The following PSME4 variants were observed in gnomAD, a reference collection of about 807,000 sequenced individuals.
PSME4 encodes proteasome activator complex subunit 4.
A neutral mutation model predicts 253.9 loss-of-function variants in PSME4; 89 were observed. That is an observed-to-expected ratio of 0.35 (90% CI 0.30 to 0.42). PSME4 has a LOEUF of 0.42. PSME4 is among the 10% of genes least tolerant of loss of function. PSME4 has a pLI of 1.00. For synonymous variants in PSME4, 851 were observed against 759.2 expected (o/e 1.12, Z -1.99); for missense variants, 2,014 against 2,195.2 (o/e 0.92, Z 1.65).
Position 53,921,391 on chromosome 2 carries a change from T to C in PSME4, c.2047-287A>G, listed in dbSNP as rs1441738893. Among the ~76,000 whole-genome samples the C allele has an allele frequency of 2.6e-5, 4 of 151,596 alleles. No individual in the cohort carries two copies. The South Asian group carries it at 6.3e-4, about 24-fold the overall frequency. The stretch of plus-strand genomic sequence containing the variant: ...CCTCCCAAGTAGCTGGAATTACAGG[T>C]ACACGCCACCATGCCCAGATAATTT... On this transcript the variant is annotated intron_variant, in intron 17 of 46. Transcript: ENST00000404125.
chr2:53,912,758 A>G (rs805322), intron 20 of PSME4, among the ~76,000 whole-genome samples: 86,093 of 152,042 alleles, frequency 0.57, 25,022 homozygotes, highest in East Asian at 0.71. Flanking sequence ...GAGCCATAGT[A>G]TCCTACCTCT....
intron 26 of PSME4, among the ~76,000 whole-genome samples, chr2:53,904,727 G>A (rs903740758): frequency 5.9e-5 from 9 of 152,222 alleles, no homozygotes; most frequent in African/African-American, 2.2e-4. Flanking sequence ...AGTGGCTCAC[G>A]TCTGTAATCC....
chr2:53,882,263 G>C (rs1239019872), intron 41 of PSME4, among the ~76,000 whole-genome samples: 1 of 152,124 alleles, frequency 6.6e-6, no homozygotes, highest in Non-Finnish European at 1.5e-5. Flanking sequence ...TTAATGAAGA[G>C]GAACATGTCT....
intron 41 of PSME4, 29 bp downstream of exon 41, chr2:53,885,661 A>G: frequency 2.6e-6 from 4 of 1,516,298 alleles, no homozygotes; most frequent in South Asian, 2.3e-5. Flanking sequence ...TCAAAAGGAG[A>G]TGCATTCTTA....
At chr2:53,930,030 T>A (rs928753853) in intron 10 of PSME4, among the ~76,000 whole-genome samples, 1 of 150,966 alleles carries the variant, frequency 6.6e-6, no homozygotes, top group African/African-American at 2.4e-5. Flanking sequence ...AATAAATAAA[T>A]AATAAATAAA....
chr2:53,955,918 C>T lies in PSME4; in HGVS notation c.243-6635G>A, dbSNP rs1558427365. On this transcript the variant is annotated intron_variant, in intron 1 of 46. Coordinates refer to ENST00000404125, the MANE Select transcript of PSME4 (RefSeq NM_014614.3). ...ACCTAGGCAACAGTGAGACCTTAGTCCCCAAAAAAACCAAAACAAAACAAA... is the reference window on the plus strand; with the variant it reads ...ACCTAGGCAACAGTGAGACCTTAGTTCCCAAAAAAACCAAAACAAAACAAA... Among the ~76,000 whole-genome samples, 9 of 152,054 alleles carry T rather than the reference C, an allele frequency of 5.9e-5. No individual in the cohort carries two copies. The South Asian group carries it at 1.9e-3, about 32-fold the overall frequency.
chr2:53,916,569 G>C (rs970954348), intron 20 of PSME4, among the ~76,000 whole-genome samples: 1 of 152,136 alleles, frequency 6.6e-6, no homozygotes, highest in African/African-American at 2.4e-5. Flanking sequence ...ACACCAGGCA[G>C]TATGAATTCG....
intron 20 of PSME4, among the ~76,000 whole-genome samples, chr2:53,918,325 T>G (rs1668148565): frequency 6.6e-6 from 1 of 152,154 alleles, no homozygotes; most frequent in African/African-American, 2.4e-5. Flanking sequence ...AAGCTAAAAT[T>G]AATATATACT....
In PSME4 at chr2:53,892,964, TA is replaced by T. The variant is rs1181213709; in HGVS notation, c.4039-5del. 6.2e-7 allele frequency: 1 copy of T among 1,608,426 alleles called. No individual in the cohort carries two copies. Among genetic ancestry groups the T allele is most frequent in the Non-Finnish European group, 8.5e-7 (1 of 1,177,832 alleles). On this transcript the variant is annotated splice_polypyrimidine_tract_variant and splice_region_variant and intron_variant, in intron 35 of 46. Transcript: ENST00000404125. The stretch of plus-strand genomic sequence containing the variant: ...CATCAAAATTCCTGAATATACCCTA[TA>T]AAAACAAAGACTGTTCTTCAGTACT...
chr2:53,887,068 T>A (rs987936865), intron 40 of PSME4, among the ~76,000 whole-genome samples, 191 bp downstream of exon 40: 9 of 152,134 alleles, frequency 5.9e-5, no homozygotes, highest in Admixed American at 5.9e-4. Context: ...ATTCTAGAGA[T>A]AAATGGTGAT....
At chr2:53,968,640 A>T (rs115314554) in intron 1 of PSME4, among the ~76,000 whole-genome samples, 235 of 152,342 alleles carry the variant, frequency 1.5e-3, no homozygotes, top group African/African-American at 5.4e-3. Context: ...CCAGCATCTA[A>T]CCACTATTCC....
In PSME4 at chr2:53,940,010, G is replaced by A. The variant is rs1558412214; in HGVS notation, c.501-10C>T. 13 of 1,561,452 alleles carry A rather than the reference G, an allele frequency of 8.3e-6. No homozygotes were observed. The highest frequency in any genetic ancestry group is 2.7e-5 in the African/African-American group (2 of 73,352). ...AATATTTTCTACAGAACTGGGGGGG[G>A]AAAGCCATTTGATAATTAGATTGGT... On this transcript the variant is annotated splice_polypyrimidine_tract_variant and intron_variant, in intron 3 of 46. Transcript: ENST00000404125.
intron 34 of PSME4, among the ~76,000 whole-genome samples, chr2:53,894,129 T>G (rs1309935418): frequency 6.6e-6 from 1 of 152,092 alleles, no homozygotes; most frequent in Non-Finnish European, 1.5e-5. Flanking sequence ...CCCAAAACTA[T>G]AAGTCAAGCC....
chr2:53,939,677 T>A (rs190643866), intron 4 of PSME4, among the ~76,000 whole-genome samples: 37 of 152,320 alleles, frequency 2.4e-4, no homozygotes, highest in African/African-American at 8.7e-4. Flanking sequence ...TTTGTCTGAA[T>A]AACAAATAAC....
At chr2:53,927,742 T>C (rs1668628012) in intron 11 of PSME4, among the ~76,000 whole-genome samples, 1 of 152,030 alleles carries the variant, frequency 6.6e-6, no homozygotes, top group Non-Finnish European at 1.5e-5. Context: ...AGGCCAGGAG[T>C]TCGAGACCAG....
chr2:53,923,913 CAAAAAAAAAAA>C (rs199929436), intron 14 of PSME4, among the ~76,000 whole-genome samples: 1,317 of 96,810 alleles, frequency 0.014, 8 homozygotes, highest in Non-Finnish European at 0.019. Flanking sequence ...ACAGAGTTAA[CAAAAAAAAAAA>C]AAAAAAAAAA....
intron 41 of PSME4, among the ~76,000 whole-genome samples, chr2:53,878,520 T>G (rs1209014264): frequency 6.6e-6 from 1 of 152,232 alleles, no homozygotes; most frequent in Non-Finnish European, 1.5e-5. Context: ...CAGAGCCATA[T>G]TTCTCTTCTT....
chr2:53,958,602 T>G (rs1670340780), intron 1 of PSME4, among the ~76,000 whole-genome samples: 1 of 152,138 alleles, frequency 6.6e-6, no homozygotes, highest in African/African-American at 2.4e-5. Flanking sequence ...TCCTTTAAAG[T>G]CAGATTCAGG....
intron 6 of PSME4, among the ~76,000 whole-genome samples, 180 bp downstream of exon 6, chr2:53,936,584 C>T (rs1404906091): frequency 7.7e-6 from 1 of 130,546 alleles, no homozygotes; most frequent in Admixed American, 7.6e-5. Context: ...TGTTAGAATA[C>T]AACAAATAAT....
Sources: allele counts gnomAD v4.1 joint callset (sites outside exome capture counted in the v4.1 genomes callset), GRCh38; gene constraint gnomAD v4.1.1; transcripts MANE v1.5; gene names NCBI Gene and HGNC (gene_info 2026-07-23, HGNC 2026-07-21).